DAB1: variants seen among roughly 807,000 people sequenced by gnomAD.
DAB1 encodes the protein disabled homolog 1.
In DAB1, 15 loss-of-function variants were observed where a neutral mutation model predicts 64.6. The ratio of observed to expected loss-of-function variants is 0.23; its 90% CI spans 0.16 to 0.36. The LOEUF (loss-of-function observed/expected upper bound fraction) is 0.36. Among genes scored for constraint, DAB1 ranks in the 10% least tolerant of loss-of-function variants. DAB1 has a pLI of 1.00. For missense variants in DAB1, 596 were observed against 706.7 expected, an observed-to-expected ratio of 0.84 and a Z score of 1.78; for synonymous variants, 235 against 251.9, an observed-to-expected ratio of 0.93 and a Z score of 0.64.
At chr1:58,079,667 C>A (rs1160290931) in intron 5 of DAB1, among the ~76,000 whole-genome samples, 1 of 151,694 alleles carries the variant, frequency 6.6e-6, no homozygotes, top group Non-Finnish European at 1.5e-5. Context: ...ATTACAGGCA[C>A]CTGCCACCAC....
At chr1:58,324,312 C>A (rs1177043190) in intron 4 of DAB1, among the ~76,000 whole-genome samples, 1 of 152,156 alleles carries the variant, frequency 6.6e-6, no homozygotes, top group Non-Finnish European at 1.5e-5. Flanking sequence ...TAATCCAAAC[C>A]ATAACCTAAT....
At chr1:57,209,645 G>T (rs543878566) in intron 2 of DAB1, among the ~76,000 whole-genome samples, 6 of 152,276 alleles carry the variant, frequency 3.9e-5, no homozygotes, top group African/African-American at 1.4e-4. Context: ...ACATTTTGCT[G>T]CTTTATTTGA....
At chr1:57,410,050 C>T (rs746225153) in intron 1 of DAB1, among the ~76,000 whole-genome samples, 2 of 151,896 alleles carry the variant, frequency 1.3e-5, no homozygotes, top group Non-Finnish European at 1.5e-5. Context: ...TTGTTGATTT[C>T]GTGCAATTCC....
At chr1:58,390,083 T>C (rs1198234437) in intron 3 of DAB1, among the ~76,000 whole-genome samples, 3 of 152,042 alleles carry the variant, frequency 2.0e-5, no homozygotes, top group Non-Finnish European at 4.4e-5. Context: ...CAGCTCAATA[T>C]ATTTTAGGCT....
chr1:57,700,046 G>C (rs1433026884), intron 6 of DAB1, among the ~76,000 whole-genome samples: 2 of 152,032 alleles, frequency 1.3e-5, no homozygotes, highest in Non-Finnish European at 2.9e-5. Context: ...TTTCTAACTT[G>C]CTGACAGCAT....
chr1:58,237,257 A>C (rs1472153054), intron 4 of DAB1, among the ~76,000 whole-genome samples: 1 of 152,208 alleles, frequency 6.6e-6, no homozygotes, highest in Non-Finnish European at 1.5e-5. Context: ...CAGGGAAAAG[A>C]GAGGAAAAAG....
chr1:57,984,184 A>AAAAAAAAAAAAG (rs1276859040), intron 5 of DAB1, among the ~76,000 whole-genome samples: 1 of 50,656 alleles, frequency 2.0e-5, no homozygotes. Flanking sequence ...TAGCTTAAAA[A>AAAAAAAAAAAAG]AAAGAAAGAA....
chr1:57,579,283 T>C (rs12404408), intron 7 of DAB1, among the ~76,000 whole-genome samples: 4,516 of 152,308 alleles, frequency 0.03, 174 homozygotes, highest in Admixed American at 0.12. Context: ...CCTTAAATGT[T>C]GGTTTCCTTG....
intron 6 of DAB1, among the ~76,000 whole-genome samples, chr1:57,733,228 G>C (rs551694903): frequency 6.6e-6 from 1 of 151,856 alleles, no homozygotes; most frequent in East Asian, 1.9e-4. Flanking sequence ...GCACCTGATA[G>C]CCATTACTCT....
intron 1 of DAB1, among the ~76,000 whole-genome samples, chr1:57,872,499 A>G (rs942581398): frequency 3.3e-5 from 5 of 152,202 alleles, no homozygotes; most frequent in African/African-American, 9.7e-5. Context: ...TTTATAAGCT[A>G]TTAAGTTTTG....
intron 5 of DAB1, among the ~76,000 whole-genome samples, chr1:58,050,065 T>G (rs374971963): frequency 2.0e-5 from 3 of 152,146 alleles, no homozygotes; most frequent in East Asian, 1.9e-4. Context: ...GAGGATTGTA[T>G]GGAGAAGTGT....
intron 2 of DAB1, among the ~76,000 whole-genome samples, chr1:57,201,557 C>A (rs115645476): frequency 0.029 from 4,339 of 151,992 alleles, 107 homozygotes; most frequent in African/African-American, 0.067. Context: ...GCCCTATTTA[C>A]GATTTGATGT....
At chr1:57,930,863 T>C (rs1644943862) in intron 5 of DAB1, among the ~76,000 whole-genome samples, 1 of 152,154 alleles carries the variant, frequency 6.6e-6, no homozygotes. Flanking sequence ...TCTTTTCTTA[T>C]TGCATCAGCT....
intron 4 of DAB1, among the ~76,000 whole-genome samples, chr1:57,084,508 C>T (rs906458152): frequency 6.6e-6 from 1 of 152,176 alleles, no homozygotes; most frequent in African/African-American, 2.4e-5. Context: ...TAAATACAGC[C>T]ATCTTCTTAT....
intron 4 of DAB1, among the ~76,000 whole-genome samples, chr1:57,073,060 G>T (rs1450084299): frequency 1.3e-5 from 2 of 152,050 alleles, no homozygotes; most frequent in Non-Finnish European, 2.9e-5. Context: ...TCTTTCAATG[G>T]CCGTATGAAA....
At chr1:57,865,698 C>A (rs1387190809) in intron 1 of DAB1, among the ~76,000 whole-genome samples, 1 of 152,206 alleles carries the variant, frequency 6.6e-6, no homozygotes, top group Non-Finnish European at 1.5e-5. Flanking sequence ...GAAATCTCAA[C>A]ACATTTGTAA....
intron 1 of DAB1, among the ~76,000 whole-genome samples, chr1:57,828,530 A>G (rs933782167): frequency 6.6e-6 from 1 of 152,208 alleles, no homozygotes; most frequent in African/African-American, 2.4e-5. Context: ...GCTCAACAAA[A>G]GCCTGTTGAT....
chr1:57,453,188 C>T (rs1686455369), intron 7 of DAB1, among the ~76,000 whole-genome samples: 2 of 152,098 alleles, frequency 1.3e-5, no homozygotes, highest in African/African-American at 4.8e-5. Flanking sequence ...CATCATTTTA[C>T]AGAGTGTATT....
intron 2 of DAB1, among the ~76,000 whole-genome samples, chr1:57,265,548 A>C (rs1670523330): frequency 6.6e-6 from 1 of 152,228 alleles, no homozygotes; most frequent in Non-Finnish European, 1.5e-5. Context: ...CTCTTCTTAA[A>C]GGAGAATTCA....
Sources: gnomAD v4.1 joint callset for allele counts (sites outside exome capture counted in the v4.1 genomes callset) on GRCh38, gnomAD v4.1.1 for gene constraint, MANE v1.5 for transcripts, NCBI Gene and HGNC (gene_info 2026-07-23, HGNC 2026-07-21) for gene names.